Variants in FLT1 observed in about 807,000 individuals in gnomAD.
The protein encoded by FLT1 is fms related receptor tyrosine kinase 1.
FLT1 carries 49 observed loss-of-function variants against 156.3 expected under a neutral mutation model. That is an observed-to-expected ratio of 0.31 (90% CI 0.25 to 0.40). The LOEUF (loss-of-function observed/expected upper bound fraction) is 0.40, where lower values mean the gene tolerates loss of function less well. Among genes scored for constraint, FLT1 ranks in the 10% least tolerant of loss-of-function variants. The pLI is 1.00. For missense variants in FLT1, 1,322 were observed against 1,637.2 expected, an observed-to-expected ratio of 0.81 and a Z score of 3.32; for synonymous variants, 594 against 583.8, an observed-to-expected ratio of 1.02 and a Z score of -0.25.
At chr13:28,304,173 A>T (rs1870638329) in intron 29 of FLT1, among the ~76,000 whole-genome samples, 1 of 152,210 alleles carries the variant, frequency 6.6e-6, no homozygotes, top group African/African-American at 2.4e-5. Context: ...GATACAATTT[A>T]TGGTCTTCTT....
At chr13:28,440,341 G>A (rs1270564421) in intron 3 of FLT1, among the ~76,000 whole-genome samples, 1 of 152,234 alleles carries the variant, frequency 6.6e-6, no homozygotes, top group Non-Finnish European at 1.5e-5. Context: ...GGTGAAATGA[G>A]TTGTCTAGAT....
At chr13:28,363,456 C>T (rs1873180518) in intron 14 of FLT1, among the ~76,000 whole-genome samples, 1 of 152,058 alleles carries the variant, frequency 6.6e-6, no homozygotes, top group South Asian at 2.1e-4. Context: ...TGTTTTTGTA[C>T]TTTTTCCACA....
At chr13:28,435,752 C>G (rs949394734) in intron 4 of FLT1, among the ~76,000 whole-genome samples, 3 of 152,152 alleles carry the variant, frequency 2.0e-5, no homozygotes, top group African/African-American at 4.8e-5. Flanking sequence ...AATGTATTAC[C>G]GGTGTTCCTT....
Position 28,434,131 on chromosome 13 carries a change from T to A in FLT1, c.603A>T (p.Glu201Asp), listed in dbSNP as rs757413517. The change falls in exon 5 of 30, where the codon GAA (glutamate) becomes GAT (aspartate). Residue 201 changes from glutamate (E) to aspartate (D), a missense_variant. This residue lies in a region of FLT1 where 991 missense variants were observed against 1,254.8 expected (regional missense o/e 0.79). Coordinates refer to ENST00000282397, the MANE Select transcript of FLT1 (RefSeq NM_002019.4). The stretch of plus-strand genomic sequence containing the variant: ...TTGCTTCACAGGTCAGAAGCCCTAT[T>A]TCTTTGTACGTTGCATTTGATATGA... ...GFIISNATYKEIGLLTCEATV... is the reference protein window; with the variant it reads ...GFIISNATYKDIGLLTCEATV... 3.5e-5 allele frequency: 56 copies of A among 1,614,130 alleles called. No individual in the cohort carries two copies. The East Asian group carries it at 1.2e-3, about 36-fold the overall frequency.
chr13:28,479,317 C>T (rs1265146494), intron 1 of FLT1, among the ~76,000 whole-genome samples: 1 of 152,136 alleles, frequency 6.6e-6, no homozygotes, highest in Non-Finnish European at 1.5e-5. Flanking sequence ...CAGTTTCCTT[C>T]TAAGTTAAAC....
chr13:28,462,033 C>G (rs1879606158), intron 3 of FLT1, among the ~76,000 whole-genome samples: 1 of 152,184 alleles, frequency 6.6e-6, no homozygotes, highest in Non-Finnish European at 1.5e-5. Context: ...CCAGCCCCAT[C>G]ATTTTGCTTT....
At chr13:28,413,966 T>C (rs2137513642) in intron 10 of FLT1, among the ~76,000 whole-genome samples, 1 of 152,310 alleles carries the variant, frequency 6.6e-6, no homozygotes, top group Middle Eastern at 3.4e-3. Context: ...GGCTTACCAG[T>C]CTTGTTGATT....
At chr13:28,395,409 G>A (rs187278762) in intron 12 of FLT1, among the ~76,000 whole-genome samples, 1 of 152,136 alleles carries the variant, frequency 6.6e-6, no homozygotes, top group African/African-American at 2.4e-5. Flanking sequence ...GCCACATGTG[G>A]CTTTTGAGCA....
chr13:28,378,329 G>A (rs1181214842), intron 14 of FLT1, among the ~76,000 whole-genome samples: 1 of 152,216 alleles, frequency 6.6e-6, no homozygotes, highest in Non-Finnish European at 1.5e-5. Context: ...TTACAGGCAT[G>A]AGCCAGCGTG....
chr13:28,328,374 T>C (rs1470714903), intron 19 of FLT1: 1 of 152,292 alleles, frequency 6.6e-6, no homozygotes, highest in Non-Finnish European at 1.5e-5. Flanking sequence ...GCCTCCTCTC[T>C]CCTGCCCTGC....
At chr13:28,319,387 C>G (rs1427711019) in intron 24 of FLT1, 36 bp downstream of exon 24, 1 of 1,315,670 alleles carries the variant, frequency 7.6e-7, no homozygotes, top group Admixed American at 1.7e-5. Context: ...ACATTTATTT[C>G]TGGGCTGTTT....
chr13:28,301,009 G>A lies in FLT1; in HGVS notation c.*2158C>T. On this transcript the variant is annotated 3_prime_UTR_variant, in exon 30 of 30. Coordinates refer to ENST00000282397, the MANE Select transcript of FLT1 (RefSeq NM_002019.4). ...ATGGACTCATGTATGCTACAAACCT[G>A]AGTTTGAAGGAGCTGAGTAACAATT... is the stretch of plus-strand genomic sequence containing the variant. 1 of 232,716 alleles carries A rather than the reference G, an allele frequency of 4.3e-6. No homozygotes were observed. 14.4% of individuals were successfully genotyped at this position (232,716 alleles called of 1,614,324 possible). A position where few individuals can be genotyped will look rare whatever the true frequency, so the allele number is the denominator to read the frequency against.
chr13:28,473,791 AAAGAAAGAAAG>A, intron 1 of FLT1, among the ~76,000 whole-genome samples: 1 of 118,306 alleles, frequency 8.5e-6, no homozygotes, highest in Admixed American at 8.8e-5. Flanking sequence ...AGAAAGAAAG[AAAGAAAGAAAG>A]AAAGAAAGAA....
At chr13:28,477,509 G>A (rs982578590) in intron 1 of FLT1, among the ~76,000 whole-genome samples, 5 of 152,198 alleles carry the variant, frequency 3.3e-5, no homozygotes, top group African/African-American at 1.2e-4. Context: ...TAGGGCAAAG[G>A]TCAAGATCTG....
chr13:28,339,102 G>A (rs1872228489), intron 17 of FLT1, 66 bp downstream of exon 17: 3 of 1,504,662 alleles, frequency 2.0e-6, no homozygotes, highest in Admixed American at 1.7e-5. Flanking sequence ...ATCTCTCAAA[G>A]CACAGTGTTT....
At chr13:28,431,060 G>T in intron 7 of FLT1, 76 bp downstream of exon 7, 2 of 1,319,428 alleles carry the variant, frequency 1.5e-6, no homozygotes, top group South Asian at 2.4e-5. Context: ...ACAGAAAACT[G>T]ACTTATTTAG....
At chr13:28,468,316 G>A (rs546925336) in intron 1 of FLT1, among the ~76,000 whole-genome samples, 11 of 152,284 alleles carry the variant, frequency 7.2e-5, no homozygotes, top group East Asian at 1.9e-4. Context: ...CAAACATCTC[G>A]GAGGATTGTT....
At chr13:28,350,494 G>A (rs1872705235) in intron 15 of FLT1, among the ~76,000 whole-genome samples, 1 of 152,094 alleles carries the variant, frequency 6.6e-6, no homozygotes. Flanking sequence ...GAGCTTTCCT[G>A]ATAGCAATAG....
At chr13:28,341,897 T>G (rs1486966653) in intron 16 of FLT1, among the ~76,000 whole-genome samples, 1 of 152,190 alleles carries the variant, frequency 6.6e-6, no homozygotes, top group Non-Finnish European at 1.5e-5. Flanking sequence ...TTTTTATATT[T>G]TTTAGATGGA....
Sources: gnomAD v4.1 joint callset for allele counts (sites outside exome capture counted in the v4.1 genomes callset) on GRCh38, gnomAD v4.1.1 for gene constraint, gnomAD v4.1.1 regional missense constraint, MANE v1.5 for transcripts, NCBI Gene and HGNC (gene_info 2026-07-23, HGNC 2026-07-21) for gene names.